GSTA1: variants seen among roughly 807,000 people sequenced by gnomAD.
GSTA1 encodes the protein glutathione S-transferase alpha 1.
A neutral mutation model predicts 21.5 loss-of-function variants in GSTA1; 23 were observed. The ratio of observed to expected loss-of-function variants is 1.07; its 90% CI spans 0.77 to 1.52. The LOEUF is 1.52. Ranked by LOEUF, GSTA1 falls within the 40% of genes most tolerant of loss-of-function variation. GSTA1 has a pLI of 0.00. For synonymous variants in GSTA1, 125 were observed against 90.0 expected (o/e 1.39, Z -2.20); for missense variants, 301 against 264.2 (o/e 1.14, Z -0.96).
intron 1 of GSTA1, 66 bp from the exon 2 acceptor site, chr6:52,799,363 TA>T (rs1763660234): frequency 2.7e-6 from 3 of 1,110,212 alleles, no homozygotes; most frequent in Non-Finnish European, 2.6e-6. Flanking sequence ...TTAGGATATG[TA>T]GTTGAAAACC....
At chr6:52,800,201 A>G (rs1763681074) in intron 1 of GSTA1, among the ~76,000 whole-genome samples, 1 of 152,236 alleles carries the variant, frequency 6.6e-6, no homozygotes, top group Non-Finnish European at 1.5e-5. Flanking sequence ...ATCCTACAAA[A>G]ATCACCTAAG....
At chr6:52,797,534 G>T in intron 3 of GSTA1, 52 bp downstream of exon 3, 2 of 1,426,928 alleles carry the variant, frequency 1.4e-6, no homozygotes, top group South Asian at 2.3e-5. Context: ...AAACCTCCCC[G>T]TGTACCTTCT....
chr6:52,792,774 A>T lies in GSTA1; in HGVS notation c.546+82T>A, dbSNP rs1487069917. The T allele has an allele frequency of 1.6e-5, 26 of 1,611,566 alleles. No individual in the cohort carries two copies. The South Asian group carries it at 2.6e-4, about 16-fold the overall frequency. The stretch of plus-strand genomic sequence containing the variant: ...AAGGCCTGGAGAAGACTGGGGCAAA[A>T]CTTGGTCAGTCGCAGGGCCCAGATA... On this transcript the variant is annotated intron_variant, in intron 6 of 6. Transcript: ENST00000334575.
At chr6:52,798,924 C>T (rs1238870350) in intron 2 of GSTA1, among the ~76,000 whole-genome samples, 1 of 152,104 alleles carries the variant, frequency 6.6e-6, no homozygotes, top group African/African-American at 2.4e-5. Flanking sequence ...TTATTCTTTA[C>T]AGTTTGTTTA....
In GSTA1 at chr6:52,796,145, G is replaced by T. The variant is rs375840598; in HGVS notation, c.272+37C>A. 6 of 1,611,514 alleles carry T rather than the reference G, an allele frequency of 3.7e-6. No homozygotes were observed. The Admixed American group carries it at 8.3e-5, about 22-fold the overall frequency. On this transcript the variant is annotated intron_variant, in intron 4 of 6. Transcript: ENST00000334575. ...CAAGGAAGGACCTAAATCACTCTGT[G>T]TTCTCTGTGGATGGAAGAACAGAAA...
intron 4 of GSTA1, among the ~76,000 whole-genome samples, chr6:52,794,835 C>T (rs1763539235): frequency 6.6e-6 from 1 of 152,200 alleles, no homozygotes; most frequent in Admixed American, 6.5e-5. Context: ...GTGTGCCTTT[C>T]CTGAGACCCC....
At chr6:52,797,395 G>T (rs376082179) in intron 3 of GSTA1, among the ~76,000 whole-genome samples, 191 bp downstream of exon 3, 1 of 152,082 alleles carries the variant, frequency 6.6e-6, no homozygotes, top group Admixed American at 6.6e-5. Flanking sequence ...TGAGAGGTCT[G>T]GTCCTTTTAA....
intron 2 of GSTA1, 132 bp from the exon 3 acceptor site, chr6:52,797,769 T>C: frequency 1.4e-6 from 1 of 725,322 alleles, no homozygotes; most frequent in South Asian, 1.7e-5. Flanking sequence ...CAGAGGGGGC[T>C]GGTCATGGCC....
chr6:52,792,028 C>T, intron 6 of GSTA1, 48 bp from the exon 7 acceptor site: 1 of 1,608,546 alleles, frequency 6.2e-7, no homozygotes, highest in Non-Finnish European at 8.5e-7. Context: ...GGGCTGACAC[C>T]ACCATTAACA....
At chr6:52,793,813 TAGACTCAACAGCAACCTCTAGTGTGGTCC>T (rs1441384637) in intron 5 of GSTA1, among the ~76,000 whole-genome samples, 2 of 152,190 alleles carry the variant, frequency 1.3e-5, no homozygotes, top group Non-Finnish European at 2.9e-5. Context: ...TGGGGTTCCA[TAGACTCAACAGCAACCTCTAGTGTGGTCC>T]AGAGCCCACA....
intron 1 of GSTA1, among the ~76,000 whole-genome samples, chr6:52,803,146 A>C (rs992097029): frequency 6.6e-6 from 1 of 152,140 alleles, no homozygotes. Flanking sequence ...GCCTAGAAAC[A>C]TCCTAGAGTG....
chr6:52,801,805 A>T (rs781767563), intron 1 of GSTA1, among the ~76,000 whole-genome samples: 4 of 152,132 alleles, frequency 2.6e-5, no homozygotes, highest in Non-Finnish European at 4.4e-5. Context: ...CAACCCTGGG[A>T]AATGGCTCCT....
intron 1 of GSTA1, among the ~76,000 whole-genome samples, chr6:52,800,751 T>C (rs1396078558): frequency 1.3e-5 from 2 of 152,194 alleles, no homozygotes; most frequent in Non-Finnish European, 2.9e-5. Flanking sequence ...GTGCCAAGAC[T>C]TAGGAACAGT....
chr6:52,799,039 T>C (rs1763649923), intron 2 of GSTA1, 142 bp downstream of exon 2: 3 of 771,986 alleles, frequency 3.9e-6, no homozygotes, highest in Non-Finnish European at 6.5e-6. Context: ...ATAGGTCAAA[T>C]CTGTTCATCT....
intron 5 of GSTA1, 138 bp from the exon 6 acceptor site, chr6:52,793,125 CA>C: frequency 8.4e-7 from 1 of 1,192,408 alleles, no homozygotes; most frequent in Non-Finnish European, 1.2e-6. Flanking sequence ...GAGCTTTCTC[CA>C]CATTATCTGA....
At chr6:52,795,632 T>C (rs1169525501) in intron 4 of GSTA1, among the ~76,000 whole-genome samples, 1 of 152,178 alleles carries the variant, frequency 6.6e-6, no homozygotes, top group Non-Finnish European at 1.5e-5. Flanking sequence ...TCAATCTGGC[T>C]GTTTTGTGCT....
chr6:52,792,777 T>C, intron 6 of GSTA1, 79 bp downstream of exon 6: 1 of 1,611,568 alleles, frequency 6.2e-7, no homozygotes, highest in Non-Finnish European at 8.5e-7. Context: ...GGGCAAAACT[T>C]GGTCAGTCGC....
intron 1 of GSTA1, among the ~76,000 whole-genome samples, chr6:52,803,241 G>T (rs1581800830): frequency 6.6e-6 from 1 of 152,058 alleles, no homozygotes; most frequent in African/African-American, 2.4e-5. Context: ...CCTCTATATT[G>T]GCCATGAGTT....
At chr6:52,803,600 A>G (rs1763766424) in intron 1 of GSTA1, among the ~76,000 whole-genome samples, 185 bp downstream of exon 1, 1 of 152,186 alleles carries the variant, frequency 6.6e-6, no homozygotes, top group Non-Finnish European at 1.5e-5. Context: ...ACAATTCTGT[A>G]AAGATGTATC....
Sources: allele counts gnomAD v4.1 joint callset (sites outside exome capture counted in the v4.1 genomes callset), GRCh38; gene constraint gnomAD v4.1.1; transcripts MANE v1.5; gene names NCBI Gene and HGNC (gene_info 2026-07-23, HGNC 2026-07-21).